WDR3: variants seen among roughly 807,000 people sequenced by gnomAD.
WDR3 encodes WD repeat-containing protein 3.
WDR3 carries 81 observed loss-of-function variants against 123.7 expected under a neutral mutation model. The ratio of observed to expected loss-of-function variants is 0.65; its 90% CI spans 0.55 to 0.79. The LOEUF is 0.79. Ranked by LOEUF, WDR3 falls within the 30% of genes least tolerant of loss-of-function variation. The pLI is 0.00. For synonymous variants in WDR3, 390 were observed against 388.8 expected (o/e 1.00, Z -0.04); for missense variants, 1,027 against 1,123.2 (o/e 0.91, Z 1.22).
rs1361735871 is a variant in WDR3 at position 117,943,388 on chromosome 1, T to A, written c.1098-8T>A. The A allele has an allele frequency of 3.1e-6, 5 of 1,609,246 alleles. No individual in the cohort carries two copies. The highest frequency in any genetic ancestry group is 4.2e-6 in the Non-Finnish European group (5 of 1,176,912). On this transcript the variant is annotated splice_polypyrimidine_tract_variant and splice_region_variant and intron_variant, in intron 10 of 26. Coordinates refer to ENST00000349139, the MANE Select transcript of WDR3 (RefSeq NM_006784.3). ...AGCTAGAACATTTATGATTATTTTCTTGTACAGGTCCTTTGACTTGATTCA... is the reference window on the plus strand; with the variant it reads ...AGCTAGAACATTTATGATTATTTTCATGTACAGGTCCTTTGACTTGATTCA...
chr1:117,933,058 G>T (rs957118156), intron 1 of WDR3, among the ~76,000 whole-genome samples: 3 of 149,238 alleles, frequency 2.0e-5, no homozygotes, highest in Admixed American at 6.7e-5. Context: ...AAAAAAATTA[G>T]CCGGGTATGG....
At chr1:117,942,870 G>C (rs1422373182) in intron 10 of WDR3, among the ~76,000 whole-genome samples, 1 of 143,720 alleles carries the variant, frequency 7.0e-6, no homozygotes, top group Non-Finnish European at 1.5e-5. Flanking sequence ...GTATGTATCA[G>C]AACCAGGATC....
intron 12 of WDR3, 75 bp from the exon 13 acceptor site, chr1:117,948,330 C>T (rs994621859): frequency 1.5e-5 from 20 of 1,308,416 alleles, no homozygotes; most frequent in African/African-American, 8.8e-5. Flanking sequence ...GAAGTCTTTT[C>T]TAAATTGTGC....
Position 117,946,148 on chromosome 1 carries a change from C to G in WDR3, c.1391C>G (p.Pro464Arg), listed in dbSNP as rs1382457037. Residue 464 changes from proline (P) to arginine (R), a missense_variant, in exon 12 of 27, where the codon CCT becomes CGT. Physicochemically the swap from Pro to Arg is moderately radical, Grantham distance 103. Transcript: ENST00000349139. The part of the protein sequence containing the change: ...CEYALCSFFV[P>R]GDRQVVIGTK... Reference sequence around the variant, plus strand: ...TATGCACTTTGCTCATTCTTTGTACCTGGTGATAGACAGGTAGTCATAGGA... The same window carrying G: ...TATGCACTTTGCTCATTCTTTGTACGTGGTGATAGACAGGTAGTCATAGGA... 1 of 1,612,258 alleles carries G rather than the reference C, an allele frequency of 6.2e-7. No individual in the cohort carries two copies.
In WDR3 at chr1:117,946,294, G is replaced by A. The variant is rs533200216; in HGVS notation, c.1422+115G>A. 3.0e-5 allele frequency: 20 copies of A among 673,942 alleles called. No individual in the cohort carries two copies. In the South Asian group the frequency reaches 6.2e-4, roughly 21 times the overall value. 41.7% of individuals were successfully genotyped at this position (673,942 alleles called of 1,614,324 possible). Reference sequence around the variant, plus strand: ...GAAATGGACTGGAGCTAAGTAATCTGGGAGGATGTTAGTTTATTACATATT... The same window carrying A: ...GAAATGGACTGGAGCTAAGTAATCTAGGAGGATGTTAGTTTATTACATATT... On this transcript the variant is annotated intron_variant, in intron 12 of 26. Transcript: ENST00000349139.
chr1:117,949,197 A>G (rs1431682279), intron 13 of WDR3, among the ~76,000 whole-genome samples: 2 of 152,010 alleles, frequency 1.3e-5, no homozygotes. Context: ...TTTTCCATAA[A>G]CTGTGTGGTC....
intron 11 of WDR3, among the ~76,000 whole-genome samples, chr1:117,945,718 TTAA>T (rs1483386062): frequency 1.3e-5 from 2 of 152,176 alleles, no homozygotes; most frequent in Admixed American, 6.5e-5. Flanking sequence ...GATTAATTAA[TTAA>T]TGTTTGTGGT....
rs1176373275 is a variant in WDR3 at position 117,966,507 on chromosome 1, A to G, written c.*7060A>G. On this transcript the variant is annotated 3_prime_UTR_variant, in exon 27 of 27. Coordinates refer to ENST00000349139, the MANE Select transcript of WDR3 (RefSeq NM_006784.3). ...AATAAATTTAACTCTGATTTTGAAG[A>G]TAGAATTAATAAAGTAGAGATGCAT... 6 of 1,127,078 alleles carry G rather than the reference A, an allele frequency of 5.3e-6. No individual in the cohort carries two copies. Among genetic ancestry groups the G allele is most frequent in the East Asian group, 2.6e-5 (1 of 38,394 alleles). The allele number at this position is 1,127,078 out of a possible 1,614,324, so 69.8% of individuals were successfully genotyped here.
In WDR3 at chr1:117,963,699, T is replaced by C; in HGVS notation, c.*4252T>C. ...TTTTCATTCATTCAGGCCAGGTGGCTTATAGGTTTCTGACTATAAGAAGAG... is the reference window on the plus strand; with the variant it reads ...TTTTCATTCATTCAGGCCAGGTGGCCTATAGGTTTCTGACTATAAGAAGAG... On this transcript the variant is annotated 3_prime_UTR_variant, in exon 27 of 27. Coordinates refer to ENST00000349139, the MANE Select transcript of WDR3 (RefSeq NM_006784.3). The C allele has an allele frequency of 8.8e-7, 1 of 1,136,914 alleles. No individual in the cohort carries two copies. The allele number at this position is 1,136,914 out of a possible 1,614,324, so 70.4% of individuals were successfully genotyped here.
At chr1:117,954,711 T>C (rs1479988964) in intron 23 of WDR3, 84 bp downstream of exon 23, 2 of 1,356,550 alleles carry the variant, frequency 1.5e-6, no homozygotes, top group Non-Finnish European at 1.0e-6. Flanking sequence ...CATTATGATT[T>C]GGGGATGGAT....
intron 8 of WDR3, 81 bp downstream of exon 8, chr1:117,941,306 A>G: frequency 1.4e-6 from 2 of 1,423,336 alleles, no homozygotes; most frequent in Admixed American, 1.9e-5. Context: ...CAATGTAAAG[A>G]TGACTTTTTC....
In WDR3 at chr1:117,941,746, C is replaced by T; in HGVS notation, c.892-4C>T. ...TGACTCACATTAACCTTTTGCCTTT[C>T]TAGGGAACTGACTCTGTGCTAGAAT... On this transcript the variant is annotated splice_region_variant and splice_polypyrimidine_tract_variant and intron_variant, in intron 8 of 26. Transcript: ENST00000349139. 8 of 1,607,682 alleles carry T rather than the reference C, an allele frequency of 5.0e-6. No homozygotes were observed. Among genetic ancestry groups the T allele is most frequent in the Non-Finnish European group, 6.8e-6 (8 of 1,178,592 alleles).
At chr1:117,949,717 A>G in intron 13 of WDR3, 34 bp from the exon 14 acceptor site, 3 of 1,605,800 alleles carry the variant, frequency 1.9e-6, no homozygotes, top group Non-Finnish European at 2.6e-6. Flanking sequence ...TTATGCTAAA[A>G]TAGTTTTTAA....
chr1:117,940,661 A>C (rs1307201662), intron 6 of WDR3, among the ~76,000 whole-genome samples, 166 bp from the exon 7 acceptor site: 1 of 152,074 alleles, frequency 6.6e-6, no homozygotes, highest in African/African-American at 2.4e-5. Context: ...CCAGGAGATC[A>C]AGGCTGCAGT....
chr1:117,954,185 A>G lies in WDR3; in HGVS notation c.2361+86A>G, dbSNP rs578234049. The G allele has an allele frequency of 3.6e-6, 4 of 1,111,676 alleles. No homozygotes were observed. In the Admixed American group the frequency reaches 6.4e-5, roughly 18 times the overall value. 68.9% of individuals were successfully genotyped at this position (1,111,676 alleles called of 1,614,324 possible). A position where few individuals can be genotyped will look rare whatever the true frequency, so the allele number is the denominator to read the frequency against. ...ATTGTTTTGGGATTTATTAACTAAG[A>G]TCAGGATATGCAATAAATGGAATAG... On this transcript the variant is annotated intron_variant, in intron 22 of 26. Transcript: ENST00000349139.
At chr1:117,952,697 T>C (rs765601592) in intron 19 of WDR3, 35 bp downstream of exon 19, 14 of 1,606,544 alleles carry the variant, frequency 8.7e-6, no homozygotes, top group Admixed American at 5.1e-5. Flanking sequence ...AATATGCCAG[T>C]AGGTATCTGA....
At chr1:117,949,018 C>A (rs1311427933) in intron 13 of WDR3, among the ~76,000 whole-genome samples, 1 of 151,776 alleles carries the variant, frequency 6.6e-6, no homozygotes, top group African/African-American at 2.4e-5. Context: ...AAATTTTGGC[C>A]CATTTATTTA....
chr1:117,939,027 G>A (rs1022456331), intron 5 of WDR3, among the ~76,000 whole-genome samples: 2 of 152,156 alleles, frequency 1.3e-5, no homozygotes, highest in Non-Finnish European at 2.9e-5. Flanking sequence ...TTAATGACAA[G>A]AAGATTAAAT....
chr1:117,953,800 C>G (rs1651766782), intron 21 of WDR3: 5 of 602,532 alleles, frequency 8.3e-6, no homozygotes, highest in Non-Finnish European at 1.4e-5. Flanking sequence ...CCACCTGAGT[C>G]CATGACACTC....
Sources: gnomAD v4.1 joint callset for allele counts (sites outside exome capture counted in the v4.1 genomes callset) on GRCh38, gnomAD v4.1.1 for gene constraint, MANE v1.5 for transcripts, NCBI Gene and HGNC (gene_info 2026-07-23, HGNC 2026-07-21) for gene names.